Variants in TBC1D8B observed in about 807,000 individuals in gnomAD.
The protein encoded by TBC1D8B is RP11-321G1.1.
A neutral mutation model predicts 82.9 loss-of-function variants in TBC1D8B; 75 were observed. The observed-to-expected ratio is 0.90, with a 90% CI of 0.75 to 1.10. TBC1D8B has a LOEUF of 1.10. Ranked by LOEUF, TBC1D8B falls within the 50% of genes least tolerant of loss-of-function variation. TBC1D8B has a pLI of 0.00. For synonymous variants in TBC1D8B, 276 were observed against 276.8 expected, an observed-to-expected ratio of 1.00 and a Z score of 0.03; for missense variants, 794 against 796.9, an observed-to-expected ratio of 1.00 and a Z score of 0.04.
intron 5 of TBC1D8B, among the ~76,000 whole-genome samples, chrX:106,824,708 A>G (rs971792985): frequency 9.0e-6 from 1 of 111,687 alleles, no homozygotes; most frequent in African/African-American, 3.2e-5. Flanking sequence ...TAATTAAGAT[A>G]TAATAAATCC....
chrX:106,854,378 G>A (rs1401854012), intron 14 of TBC1D8B, 82 bp downstream of exon 14: 6 of 592,467 alleles, frequency 1.0e-5, no homozygotes, highest in South Asian at 5.3e-5. Flanking sequence ...TCTTCTGGGC[G>A]AATAAAATGA....
At chrX:106,859,981 G>A (rs950213544) in intron 14 of TBC1D8B, among the ~76,000 whole-genome samples, 2 of 111,877 alleles carry the variant, frequency 1.8e-5, no homozygotes, top group Admixed American at 9.5e-5. Context: ...TCGTTTTTGT[G>A]ATGAATTGCA....
Position 106,849,866 on chromosome X carries a change from C to T in TBC1D8B, c.1838-159C>T, listed in dbSNP as rs982905320. On this transcript the variant is annotated intron_variant, in intron 11 of 20. Coordinates refer to ENST00000357242, the MANE Select transcript of TBC1D8B (RefSeq NM_017752.3). ...TGTGTTTCTGAAGTACATGACACTA[C>T]TAGCAGTTAGATGTATAAAATACAG... The T allele has an allele frequency of 1.8e-5, 19 of 1,050,455 alleles. No individual in the cohort carries two copies. The African/African-American group carries it at 2.3e-4, about 13-fold the overall frequency. The allele number at this position is 1,050,455 out of a possible 1,213,427, so 86.6% of individuals were successfully genotyped here.
intron 14 of TBC1D8B, among the ~76,000 whole-genome samples, chrX:106,860,645 A>C (rs1024112124): frequency 1.8e-5 from 2 of 110,223 alleles, no homozygotes; most frequent in African/African-American, 6.6e-5. Flanking sequence ...CTAGTGGTCT[A>C]TCAGTCTTAT....
At chrX:106,811,950 A>G (rs1009517442) in intron 1 of TBC1D8B, among the ~76,000 whole-genome samples, 1 of 111,789 alleles carries the variant, frequency 8.9e-6, no homozygotes, top group Non-Finnish European at 1.9e-5. Flanking sequence ...AAAAAATTCT[A>G]AATCCTTTAA....
chrX:106,814,577 G>T (rs1339232480), intron 1 of TBC1D8B: 1 of 106,961 alleles, frequency 9.3e-6, no homozygotes, highest in Non-Finnish European at 1.9e-5. Flanking sequence ...GGGATGGCTG[G>T]GTCAAATGGT....
chrX:106,802,743 C>T lies in TBC1D8B; in HGVS notation c.-111C>T. 1 of 1,095,924 alleles carries T rather than the reference C, an allele frequency of 9.1e-7. No individual in the cohort carries two copies. Among genetic ancestry groups the T allele is most frequent in the Non-Finnish European group, 1.2e-6 (1 of 806,654 alleles). The allele number at this position is 1,095,924 out of a possible 1,213,427, so 90.3% of individuals were successfully genotyped here. ...GTGTGGAAAACCTGAACCTGAGCTG[C>T]TGTCGCCTGAGGAAGATTTGGTGGG... On this transcript the variant is annotated 5_prime_UTR_variant, in exon 1 of 21. Coordinates refer to ENST00000357242, the MANE Select transcript of TBC1D8B (RefSeq NM_017752.3).
rs1233478798 is a variant in TBC1D8B at position 106,840,214 on chromosome X, A to G, written c.1504+16A>G. The G allele has an allele frequency of 2.5e-6, 3 of 1,189,019 alleles. No homozygotes were observed. Among genetic ancestry groups the G allele is most frequent in the Non-Finnish European group, 3.4e-6 (3 of 881,466 alleles). ...CTTTTTTCAGGTATTACGTTTATTCATTGTATTTATTTAATAGACATTAAC... is the reference window on the plus strand; with the variant it reads ...CTTTTTTCAGGTATTACGTTTATTCGTTGTATTTATTTAATAGACATTAAC... On this transcript the variant is annotated intron_variant, in intron 9 of 20. Coordinates refer to ENST00000357242, the MANE Select transcript of TBC1D8B (RefSeq NM_017752.3).
rs776555337 is a variant in TBC1D8B, at chrX:106,840,817, G to A, written c.1652G>A (p.Gly551Asp). The A allele has an allele frequency of 8.3e-7, 1 of 1,211,092 alleles. No individual in the cohort carries two copies. The highest frequency in any genetic ancestry group is 1.1e-6 in the Non-Finnish European group (1 of 895,220). Residue 551 changes from glycine (G) to aspartate (D), a missense_variant, in exon 10 of 21, where the codon GGC (glycine) becomes GAC (aspartate). By Grantham distance (94) the Gly-to-Asp change is moderately conservative (BLOSUM62 -1). Coordinates refer to ENST00000357242, the MANE Select transcript of TBC1D8B (RefSeq NM_017752.3). Reference protein sequence around the residue: ...PEHPAFQSDTGISALRRVLTA... With the variant: ...PEHPAFQSDTDISALRRVLTA... ...CACCCAGCCTTTCAGAGTGATACTG[G>A]CATATCTGCTCTGAGAAGGGTACTC...
intron 7 of TBC1D8B, among the ~76,000 whole-genome samples, chrX:106,836,972 A>G (rs1602421256): frequency 2.7e-5 from 3 of 111,577 alleles, no homozygotes; most frequent in South Asian, 3.8e-4. Context: ...TGCTGAAACA[A>G]TGGACAGCAA....
chrX:106,819,871 A>C (rs1304534205), intron 2 of TBC1D8B, among the ~76,000 whole-genome samples: 1 of 111,052 alleles, frequency 9.0e-6, no homozygotes. Flanking sequence ...CCTGATGCAG[A>C]AATAGTGTAG....
intron 14 of TBC1D8B, among the ~76,000 whole-genome samples, chrX:106,863,023 C>T (rs1341992197): frequency 9.1e-6 from 1 of 109,805 alleles, no homozygotes; most frequent in Non-Finnish European, 1.9e-5. Context: ...CCACTGGCCT[C>T]AACACTACAA....
intron 7 of TBC1D8B, chrX:106,828,123 C>T (rs1213991574): frequency 9.0e-6 from 1 of 111,119 alleles, no homozygotes; most frequent in Non-Finnish European, 1.9e-5. Context: ...CGACCAATCC[C>T]ACAGAAATAC....
chrX:106,838,308 C>T (rs1228578634), intron 7 of TBC1D8B, among the ~76,000 whole-genome samples: 1 of 111,336 alleles, frequency 9.0e-6, no homozygotes, highest in African/African-American at 3.3e-5. Flanking sequence ...GCCTGACTTC[C>T]TTGGATCACC....
chrX:106,842,550 T>G (rs1356706581), intron 10 of TBC1D8B, among the ~76,000 whole-genome samples: 1 of 110,765 alleles, frequency 9.0e-6, no homozygotes, highest in Admixed American at 9.7e-5. Context: ...GTAGACAGAT[T>G]TTGTTGGTTT....
chrX:106,870,786 C>T lies in TBC1D8B; in HGVS notation c.2940C>T (p.Asn980=). The T allele has an allele frequency of 8.3e-7, 1 of 1,198,638 alleles. No individual in the cohort carries two copies. Among genetic ancestry groups the T allele is most frequent in the South Asian group, 1.8e-5 (1 of 55,100 alleles). The change falls in exon 20 of 21, where the codon AAC becomes AAT. Residue 980 remains asparagine (N), a synonymous_variant. Transcript: ENST00000357242. ...WQDELFKKEE[N]IKDLPRMNQS... Reference sequence around the variant, plus strand: ...ATGAGCTTTTCAAAAAAGAAGAAAACATTAAGGATTTACCAAGAATGAATC... The same window carrying T: ...ATGAGCTTTTCAAAAAAGAAGAAAATATTAAGGATTTACCAAGAATGAATC...
intron 7 of TBC1D8B, 34 bp from the exon 8 acceptor site, chrX:106,839,274 T>G (rs781116556): frequency 4.4e-5 from 48 of 1,099,588 alleles, no homozygotes; most frequent in Non-Finnish European, 5.5e-5. Context: ...AACGTAAGCA[T>G]GCATCTGGGA....
Position 106,853,444 on chromosome X carries a change from G to A in TBC1D8B, c.2124-77G>A. On this transcript the variant is annotated intron_variant, in intron 12 of 20. Coordinates refer to ENST00000357242, the MANE Select transcript of TBC1D8B (RefSeq NM_017752.3). ...TTGAAAGTAACCTCTAACTAACTAG[G>A]GAGAAATTATGTGTCATTTCTCTGC... 3.9e-6 allele frequency: 4 copies of A among 1,015,128 alleles called. No homozygotes were observed. In the East Asian group the frequency reaches 1.2e-4, roughly 31 times the overall value. 83.7% of individuals were successfully genotyped at this position (1,015,128 alleles called of 1,213,427 possible).
chrX:106,841,590 A>G (rs1463376059), intron 10 of TBC1D8B, among the ~76,000 whole-genome samples: 1 of 111,798 alleles, frequency 8.9e-6, no homozygotes, highest in African/African-American at 3.2e-5. Flanking sequence ...TTGGAAAAAA[A>G]TTATTTAGGA....
Sources: allele counts gnomAD v4.1 joint callset (sites outside exome capture counted in the v4.1 genomes callset), GRCh38; gene constraint gnomAD v4.1.1; transcripts MANE v1.5; gene names NCBI Gene and HGNC (gene_info 2026-07-23, HGNC 2026-07-21).